The following NUDT19 variants were observed in gnomAD, a reference collection of about 807,000 sequenced individuals.
The protein encoded by NUDT19 is nudix hydrolase 19, also known as acyl-coenzyme A diphosphatase NUDT19.
In NUDT19, 31 loss-of-function variants were observed where a neutral mutation model predicts 22.2. The ratio of observed to expected loss-of-function variants is 1.40; its 90% CI spans 1.05 to 1.89. NUDT19 has a LOEUF of 1.89. NUDT19 is among the 40% of genes most tolerant of loss of function. The pLI is 0.00. For missense variants in NUDT19, 752 were observed against 514.2 expected (o/e 1.46, Z -4.47); for synonymous variants, 325 against 230.8 (o/e 1.41, Z -3.70).
chr19:32,704,932 C>A (rs1410005830), intron 1 of NUDT19, among the ~76,000 whole-genome samples: 3 of 151,472 alleles, frequency 2.0e-5, no homozygotes, highest in Non-Finnish European at 2.9e-5. Context: ...CATGGTGAAA[C>A]CCCGTCTCAA....
intron 1 of NUDT19, among the ~76,000 whole-genome samples, chr19:32,702,909 A>C (rs2145363660): frequency 6.6e-6 from 1 of 152,122 alleles, no homozygotes; most frequent in African/African-American, 2.4e-5. Context: ...CAATATACTT[A>C]TTTGTTCCCT....
At chr19:32,709,866 G>A (rs947631419) in intron 2 of NUDT19, among the ~76,000 whole-genome samples, 7 of 151,926 alleles carry the variant, frequency 4.6e-5, no homozygotes, top group African/African-American at 1.7e-4. Flanking sequence ...TCTTGGCCAG[G>A]CTGGTCTTGA....
At position 32,692,042 on chromosome 19, in the gene NUDT19, G is replaced by A; in HGVS notation, c.82G>A (p.Glu28Lys). ...IVLAAGWSRP[E>K]TATPPSRPPP... ...CCTGGCGGCTGGCTGGTCGCGCCCGGAGACCGCCACCCCGCCGTCGCGCCC... is the reference window on the plus strand; with the variant it reads ...CCTGGCGGCTGGCTGGTCGCGCCCGAAGACCGCCACCCCGCCGTCGCGCCC... The change falls in exon 1 of 3, where the codon GAG (glutamate) becomes AAG (lysine). Residue 28 changes from glutamate to lysine, a missense_variant. Transcript: ENST00000397061. 1 of 1,276,660 alleles carries A rather than the reference G, an allele frequency of 7.8e-7. No individual in the cohort carries two copies. The highest frequency in any genetic ancestry group is 9.8e-7 in the Non-Finnish European group (1 of 1,016,872). 79.1% of individuals were successfully genotyped at this position (1,276,660 alleles called of 1,614,324 possible). A position where few individuals can be genotyped will look rare whatever the true frequency, so the allele number is the denominator to read the frequency against.
At position 32,703,235 on chromosome 19, in the gene NUDT19, A is replaced by G. The variant is rs540815634; in HGVS notation, c.715-5950A>G. Among the ~76,000 whole-genome samples the G allele has an allele frequency of 2.1e-4, 32 of 152,296 alleles. No homozygotes were observed. In the East Asian group the frequency reaches 3.7e-3, roughly 17 times the overall value. ...AGGCTGCTGTCGAACTCCCAACCTC[A>G]GGTAATCCGCACACCTCGGCCTCCC... On this transcript the variant is annotated intron_variant, in intron 1 of 2. Coordinates refer to ENST00000397061, the MANE Select transcript of NUDT19 (RefSeq NM_001105570.2).
intron 1 of NUDT19, among the ~76,000 whole-genome samples, chr19:32,706,641 C>T (rs1464630647): frequency 2.0e-5 from 3 of 152,144 alleles, no homozygotes; most frequent in Non-Finnish European, 4.4e-5. Context: ...AGAGATCACG[C>T]CATTGCACTC....
In NUDT19 at chr19:32,692,438, C is replaced by A; in HGVS notation, c.478C>A (p.Pro160Thr). Residue 160 changes from proline to threonine, a missense_variant, in exon 1 of 3, where the codon CCA becomes ACA. Transcript: ENST00000397061. ...PAPGPGLALE[P>T]PPGLASWRDR... is the part of the protein sequence containing the mutation. ...ACCCGGGCCTGGCCTCGCCCTGGAGCCACCGCCGGGCCTGGCCTCCTGGCG... is the reference window on the plus strand; with the variant it reads ...ACCCGGGCCTGGCCTCGCCCTGGAGACACCGCCGGGCCTGGCCTCCTGGCG... The A allele has an allele frequency of 6.5e-7, 1 of 1,548,398 alleles. No individual in the cohort carries two copies. The highest frequency in any genetic ancestry group is 8.7e-7 in the Non-Finnish European group (1 of 1,153,238).
chr19:32,705,106 CAAAAAAA>C (rs34871387), intron 1 of NUDT19, among the ~76,000 whole-genome samples: 1 of 54,216 alleles, frequency 1.8e-5, no homozygotes, highest in Non-Finnish European at 3.5e-5. Context: ...GACTTCATCT[CAAAAAAA>C]AAAAAAAAAA....
intron 1 of NUDT19, among the ~76,000 whole-genome samples, chr19:32,699,110 G>A (rs1403585410): frequency 6.6e-6 from 1 of 152,176 alleles, no homozygotes; most frequent in Non-Finnish European, 1.5e-5. Flanking sequence ...CCCCTACGAT[G>A]GGGCTTTGAG....
chr19:32,700,651 A>T (rs998588927), intron 1 of NUDT19, among the ~76,000 whole-genome samples: 7 of 152,078 alleles, frequency 4.6e-5, no homozygotes, highest in Non-Finnish European at 8.8e-5. Context: ...GGAGGTCTTG[A>T]ACTCCTGGCC....
intron 1 of NUDT19, among the ~76,000 whole-genome samples, chr19:32,695,328 C>T (rs980861468): frequency 2.0e-4 from 31 of 152,182 alleles, no homozygotes; most frequent in African/African-American, 7.0e-4. Flanking sequence ...TACAGGCGCC[C>T]GCCACCACAC....
At position 32,713,144 on chromosome 19, in the gene NUDT19, A is replaced by G. The variant is rs546866445; in HGVS notation, c.*1187A>G. 2 of 152,148 alleles carry G rather than the reference A, an allele frequency of 1.3e-5. No individual in the cohort carries two copies. The highest frequency in any genetic ancestry group is 4.8e-5 in the African/African-American group (2 of 41,498). 9.4% of individuals were successfully genotyped at this position (152,148 alleles called of 1,614,324 possible). A position where few individuals can be genotyped will look rare whatever the true frequency, so the allele number is the denominator to read the frequency against. Reference sequence around the variant, plus strand: ...AAATTAGAAATCGATTTTAGTTAACATTTTATTTTATTTTATTCTATTTTA... The same window carrying G: ...AAATTAGAAATCGATTTTAGTTAACGTTTTATTTTATTTTATTCTATTTTA... On this transcript the variant is annotated 3_prime_UTR_variant, in exon 3 of 3. Transcript: ENST00000397061.
rs763821867 is a variant in NUDT19, at chr19:32,692,515, C to T, written c.555C>T (p.Leu185=). 4 of 1,570,918 alleles carry T rather than the reference C, an allele frequency of 2.5e-6. No homozygotes were observed. In the East Asian group the frequency reaches 9.6e-5, roughly 38 times the overall value. ...PRHFLRLCAH[L]DCTPDIWALH... ...ACTTCCTGCGGCTGTGCGCCCACCT[C>T]GACTGCACACCCGACATCTGGGCGC... Residue 185 remains leucine, a synonymous_variant, in exon 1 of 3, where the codon CTC becomes CTT. Coordinates refer to ENST00000397061, the MANE Select transcript of NUDT19 (RefSeq NM_001105570.2).
At chr19:32,696,469 G>A (rs895696450) in intron 1 of NUDT19, among the ~76,000 whole-genome samples, 4 of 152,118 alleles carry the variant, frequency 2.6e-5, no homozygotes, top group African/African-American at 7.2e-5. Context: ...TCTCTGTGAC[G>A]TTTAAAGAAA....
chr19:32,697,994 T>A (rs1393065977), intron 1 of NUDT19, among the ~76,000 whole-genome samples: 1 of 152,188 alleles, frequency 6.6e-6, no homozygotes, highest in Admixed American at 6.5e-5. Context: ...ATTTCTTTGC[T>A]TATTTCCTTC....
At position 32,700,136 on chromosome 19, in the gene NUDT19, G is replaced by A. The variant is rs192610264; in HGVS notation, c.714+7462G>A. Among the ~76,000 whole-genome samples, 18 of 152,350 alleles carry A rather than the reference G, an allele frequency of 1.2e-4. No individual in the cohort carries two copies. In the East Asian group the frequency reaches 1.7e-3, roughly 15 times the overall value. On this transcript the variant is annotated intron_variant, in intron 1 of 2. Coordinates refer to ENST00000397061, the MANE Select transcript of NUDT19 (RefSeq NM_001105570.2). ...GCTTCCACAGCATGGAAAGGGACCC[G>A]AGCGGGTTGCTGCTGCTGGCTTGGG... is the stretch of plus-strand genomic sequence containing the variant.
chr19:32,692,282 G>C lies in NUDT19; in HGVS notation c.322G>C (p.Asp108His), dbSNP rs760009129. The part of the protein sequence containing the change: ...RTAFPSLPDT[D>H]DHKTDNTGTL... ...CGCTTTCCCGTCGCTGCCCGACACC[G>C]ATGACCACAAGACCGACAACACTGG... is the stretch of plus-strand genomic sequence containing the variant. The change falls in exon 1 of 3, where the codon GAT becomes CAT. Residue 108 changes from aspartate (D) to histidine (H), a missense_variant. Transcript: ENST00000397061. The C allele has an allele frequency of 1.3e-6, 2 of 1,592,760 alleles. No individual in the cohort carries two copies. The highest frequency in any genetic ancestry group is 8.5e-7 in the Non-Finnish European group (1 of 1,177,718).
intron 1 of NUDT19, among the ~76,000 whole-genome samples, chr19:32,703,891 G>A (rs1423306741): frequency 2.6e-5 from 4 of 151,458 alleles, no homozygotes; most frequent in Non-Finnish European, 5.9e-5. Flanking sequence ...TCAAACTCCT[G>A]ACCTCAGGTG....
intron 1 of NUDT19, among the ~76,000 whole-genome samples, chr19:32,697,457 C>T (rs1426131486): frequency 2.0e-5 from 3 of 152,172 alleles, no homozygotes; most frequent in Non-Finnish European, 4.4e-5. Context: ...TTCTTCCTTT[C>T]CCTGAGTTAT....
chr19:32,692,186 T>C lies in NUDT19; in HGVS notation c.226T>C (p.Trp76Arg), dbSNP rs768162409. 1.3e-5 allele frequency: 20 copies of C among 1,550,890 alleles called. No individual in the cohort carries two copies. The Admixed American group carries it at 3.4e-4, about 27-fold the overall frequency. Residue 76 changes from tryptophan (W) to arginine (R), a missense_variant, in exon 1 of 3, where the codon TGG becomes CGG. Transcript: ENST00000397061. ...VLDAADRSADWLGLFAPHHGP... is the reference protein window; with the variant it reads ...VLDAADRSADRLGLFAPHHGP... ...GGATGCGGCCGACCGCTCGGCGGAC[T>C]GGCTGGGCCTCTTCGCGCCGCACCA...
Sources: allele counts gnomAD v4.1 joint callset (sites outside exome capture counted in the v4.1 genomes callset), GRCh38; gene constraint gnomAD v4.1.1; transcripts MANE v1.5; gene names NCBI Gene and HGNC (gene_info 2026-07-23, HGNC 2026-07-21).